BBS9: variants seen among roughly 807,000 people sequenced by gnomAD.
BBS9 encodes the protein Bardet-Biedl syndrome 9.
A neutral mutation model predicts 117.7 loss-of-function variants in BBS9; 89 were observed. The ratio of observed to expected loss-of-function variants is 0.76; its 90% CI spans 0.64 to 0.90. The LOEUF (loss-of-function observed/expected upper bound fraction) is 0.90, where lower values mean the gene tolerates loss of function less well. Among genes scored for constraint, BBS9 ranks in the 40% least tolerant of loss-of-function variants. BBS9 has a pLI of 0.00. For missense variants in BBS9, 982 were observed against 1,042.2 expected, an observed-to-expected ratio of 0.94 and a Z score of 0.80; for synonymous variants, 379 against 370.9, an observed-to-expected ratio of 1.02 and a Z score of -0.25.
Position 33,257,234 on chromosome 7 carries a change from A to G in BBS9, c.443-2A>G, listed in dbSNP as rs757114700. On this transcript the variant is annotated splice_acceptor_variant, in intron 5 of 22. Coordinates refer to ENST00000242067, the MANE Select transcript of BBS9 (RefSeq NM_198428.3). LOFTEE classifies it high-confidence loss of function. ...ATCTAATTTTCTCTAATTCTTCTTTAGGTCGAGATTTAATTTGCATCCAGT... is the reference window on the plus strand; with the variant it reads ...ATCTAATTTTCTCTAATTCTTCTTTGGGTCGAGATTTAATTTGCATCCAGT... 1 of 1,600,584 alleles carries G rather than the reference A, an allele frequency of 6.2e-7. No homozygotes were observed. Among genetic ancestry groups the G allele is most frequent in the Non-Finnish European group, 8.6e-7 (1 of 1,169,542 alleles).
At chr7:33,314,947 A>G (rs1293301248) in intron 9 of BBS9, among the ~76,000 whole-genome samples, 1 of 152,166 alleles carries the variant, frequency 6.6e-6, no homozygotes, top group Non-Finnish European at 1.5e-5. Flanking sequence ...TGCTAGGTTG[A>G]TTGTGCCAAT....
intron 16 of BBS9, among the ~76,000 whole-genome samples, chr7:33,363,322 C>G (rs1380307745): frequency 1.3e-5 from 2 of 152,114 alleles, no homozygotes; most frequent in Admixed American, 6.5e-5. Context: ...AGGGTGGTCT[C>G]GAACTCCTGA....
intron 9 of BBS9, among the ~76,000 whole-genome samples, chr7:33,323,754 A>C (rs530900645): frequency 6.6e-6 from 1 of 151,318 alleles, no homozygotes; most frequent in South Asian, 2.1e-4. Context: ...TTTCATTATT[A>C]ATAATTAAGG....
intron 20 of BBS9, among the ~76,000 whole-genome samples, chr7:33,517,873 C>G (rs1415207232): frequency 3.3e-5 from 5 of 152,144 alleles, no homozygotes; most frequent in Non-Finnish European, 7.4e-5. Flanking sequence ...AATTTTTACT[C>G]TTCTCCAATC....
intron 21 of BBS9, among the ~76,000 whole-genome samples, chr7:33,627,298 A>G (rs570896524): frequency 6.6e-6 from 1 of 152,356 alleles, no homozygotes; most frequent in East Asian, 1.9e-4. Context: ...GCAAGAGTTG[A>G]GGCTTGGGAG....
intron 12 of BBS9, among the ~76,000 whole-genome samples, chr7:33,344,902 C>G (rs766704714): frequency 6.6e-6 from 1 of 152,212 alleles, no homozygotes; most frequent in Non-Finnish European, 1.5e-5. Flanking sequence ...GTAGCATGAT[C>G]CAGGCTTTTT....
At chr7:33,477,910 C>T (rs536764838) in intron 19 of BBS9, among the ~76,000 whole-genome samples, 2 of 152,034 alleles carry the variant, frequency 1.3e-5, no homozygotes, top group African/African-American at 2.4e-5. Context: ...TGGGTTGTGT[C>T]ATCTTTTGTT....
At chr7:33,138,567 G>A (rs1209439070) in intron 1 of BBS9, among the ~76,000 whole-genome samples, 2 of 151,098 alleles carry the variant, frequency 1.3e-5, no homozygotes, top group Non-Finnish European at 1.5e-5. Context: ...CTGTGAAAAG[G>A]GGGATTTCAG....
At chr7:33,168,135 T>A (rs186052448) in intron 4 of BBS9, among the ~76,000 whole-genome samples, 2 of 152,346 alleles carry the variant, frequency 1.3e-5, no homozygotes, top group East Asian at 1.9e-4. Flanking sequence ...TAATCCTGTT[T>A]ATCTCCTTTT....
chr7:33,592,008 A>G (rs1862002422), intron 21 of BBS9, among the ~76,000 whole-genome samples: 1 of 152,078 alleles, frequency 6.6e-6, no homozygotes, highest in Non-Finnish European at 1.5e-5. Context: ...CATGTGAATT[A>G]CTTTTAATGC....
At chr7:33,625,547 G>C (rs1865597886) in intron 21 of BBS9, among the ~76,000 whole-genome samples, 1 of 152,104 alleles carries the variant, frequency 6.6e-6, no homozygotes, top group African/African-American at 2.4e-5. Context: ...TTATTATGTA[G>C]ATTACCAACT....
chr7:33,491,791 A>T (rs1472631147), intron 19 of BBS9, among the ~76,000 whole-genome samples: 1 of 152,262 alleles, frequency 6.6e-6, no homozygotes, highest in Non-Finnish European at 1.5e-5. Flanking sequence ...AATCAATCCC[A>T]TGAAGAGGTA....
chr7:33,507,016 A>G (rs186983122), intron 20 of BBS9, among the ~76,000 whole-genome samples: 2 of 152,334 alleles, frequency 1.3e-5, no homozygotes, highest in African/African-American at 2.4e-5. Context: ...TGGTGACAAA[A>G]TCACTGTGGT....
chr7:33,292,011 AC>A (rs1377872386), intron 9 of BBS9, among the ~76,000 whole-genome samples: 2 of 151,996 alleles, frequency 1.3e-5, no homozygotes. Flanking sequence ...TATAGGGACC[AC>A]CCTTATTCAG....
intron 5 of BBS9, among the ~76,000 whole-genome samples, chr7:33,245,534 T>C (rs1373121121): frequency 6.6e-6 from 1 of 152,160 alleles, no homozygotes; most frequent in Non-Finnish European, 1.5e-5. Context: ...ATTCATTCAG[T>C]AAATACTTTT....
chr7:33,239,475 TC>T (rs1337923476), intron 5 of BBS9, among the ~76,000 whole-genome samples: 1 of 151,976 alleles, frequency 6.6e-6, no homozygotes, highest in East Asian at 1.9e-4. Context: ...AGTGGTGCAA[TC>T]TCGGCTCACT....
At chr7:33,568,464 T>C (rs1585291905) in intron 21 of BBS9, among the ~76,000 whole-genome samples, 3 of 152,334 alleles carry the variant, frequency 2.0e-5, no homozygotes, top group Admixed American at 2.0e-4. Flanking sequence ...CTTTTTACTC[T>C]CACATTTCCC....
In BBS9 at chr7:33,345,752, CT is replaced by C. The variant is rs1817475043; in HGVS notation, c.1329+1122del. 1.1e-4 allele frequency among the ~76,000 whole-genome samples: 17 copies of C among 152,274 alleles called. No homozygotes were observed. The South Asian group carries it at 3.3e-3, about 30-fold the overall frequency. On this transcript the variant is annotated intron_variant, in intron 12 of 22. Transcript: ENST00000242067. ...TGTCGAGTTCCAGGAATGATTTGTA[CT>C]TTTGTATAGGGACACCTCTTTTAAA...
chr7:33,368,378 T>A (rs1166322171), intron 17 of BBS9, among the ~76,000 whole-genome samples: 4 of 152,128 alleles, frequency 2.6e-5, no homozygotes, highest in African/African-American at 9.7e-5. Flanking sequence ...TAGTCAAGTT[T>A]GAATTTAAAT....
Sources: gnomAD v4.1 joint callset for allele counts (sites outside exome capture counted in the v4.1 genomes callset) on GRCh38, gnomAD v4.1.1 for gene constraint, MANE v1.5 for transcripts, NCBI Gene and HGNC (gene_info 2026-07-23, HGNC 2026-07-21) for gene names.